Variants in ERICH3 observed in about 807,000 individuals in gnomAD.
The protein encoded by ERICH3 is glutamate-rich protein 3.
ERICH3 carries 126 observed loss-of-function variants against 131.1 expected under a neutral mutation model. The ratio of observed to expected loss-of-function variants is 0.96; its 90% CI spans 0.83 to 1.11. ERICH3 has a LOEUF of 1.11. ERICH3 is among the 50% of genes most tolerant of loss of function. ERICH3 has a pLI of 0.00. For missense variants in ERICH3, 2,050 were observed against 1,810.7 expected (o/e 1.13, Z -2.40); for synonymous variants, 695 against 644.6 (o/e 1.08, Z -1.18).
intron 13 of ERICH3, among the ~76,000 whole-genome samples, chr1:74,574,267 G>C (rs1196862696): frequency 6.6e-6 from 1 of 151,974 alleles, no homozygotes; most frequent in African/African-American, 2.4e-5. Flanking sequence ...TTACAGGTGT[G>C]GGCCACTGCA....
intron 5 of ERICH3, among the ~76,000 whole-genome samples, chr1:74,639,082 A>G (rs1038674091): frequency 1.3e-5 from 2 of 152,212 alleles, no homozygotes. Flanking sequence ...AAATAAGCCT[A>G]TATGGTCCAA....
At chr1:74,642,085 T>G (rs780402090) in intron 4 of ERICH3, among the ~76,000 whole-genome samples, 1 of 152,070 alleles carries the variant, frequency 6.6e-6, no homozygotes, top group Admixed American at 6.6e-5. Flanking sequence ...GCAGATAAAT[T>G]ACAGAATCTA....
chr1:74,596,156 T>C (rs1043930535), intron 11 of ERICH3, among the ~76,000 whole-genome samples: 5 of 152,068 alleles, frequency 3.3e-5, no homozygotes, highest in Non-Finnish European at 4.4e-5. Context: ...CTTCAACAGA[T>C]TGAAAAATAG....
At chr1:74,605,899 T>G (rs185531777) in intron 10 of ERICH3, among the ~76,000 whole-genome samples, 2 of 151,838 alleles carry the variant, frequency 1.3e-5, no homozygotes, top group African/African-American at 4.8e-5. Flanking sequence ...AAACTTTTAA[T>G]TTATAAAAAG....
At chr1:74,626,845 T>C (rs537718690) in intron 7 of ERICH3, among the ~76,000 whole-genome samples, 2 of 152,300 alleles carry the variant, frequency 1.3e-5, no homozygotes, top group African/African-American at 4.8e-5. Flanking sequence ...GCCATTTGGC[T>C]CTACTGATCA....
chr1:74,643,125 G>T, intron 3 of ERICH3, 27 bp from the exon 4 acceptor site: 3 of 1,563,884 alleles, frequency 1.9e-6, no homozygotes, highest in South Asian at 1.1e-5. Flanking sequence ...GAATAAAGGA[G>T]AGAATCATAT....
intron 1 of ERICH3, among the ~76,000 whole-genome samples, chr1:74,657,692 C>G (rs1646598460): frequency 2.0e-5 from 3 of 152,132 alleles, no homozygotes; most frequent in African/African-American, 4.8e-5. Context: ...ACTGTGCTGA[C>G]TGCTGGCAAG....
At chr1:74,604,654 C>T (rs773008742) in intron 10 of ERICH3, among the ~76,000 whole-genome samples, 18 of 151,854 alleles carry the variant, frequency 1.2e-4, no homozygotes, top group Non-Finnish European at 2.4e-4. Flanking sequence ...CTTGAGTGAC[C>T]AGGTACATTG....
intron 13 of ERICH3, among the ~76,000 whole-genome samples, chr1:74,574,606 C>T (rs563421370): frequency 5.9e-5 from 9 of 152,224 alleles, no homozygotes; most frequent in Non-Finnish European, 1.0e-4. Context: ...CTTTGCAGAC[C>T]GGGACAGTTT....
chr1:74,590,516 C>T (rs889818163), intron 11 of ERICH3, among the ~76,000 whole-genome samples: 3 of 152,204 alleles, frequency 2.0e-5, no homozygotes, highest in African/African-American at 7.2e-5. Flanking sequence ...ATAAGGAGCT[C>T]ACAACCTAGA....
At position 74,572,664 on chromosome 1, in the gene ERICH3, CT is replaced by C; in HGVS notation, c.3045del (p.Gly1016GlufsTer20). ...RMQVSEGSPE[E>X]GSLAKEAFLC... ...AGGAAGGCTTCCTTTGCAAGGCTTC[CT>C]TCCTCAGGGCTGCCCTCCGAAACCT... is the stretch of plus-strand genomic sequence containing the variant. On this transcript the variant is annotated frameshift_variant, in exon 14 of 15. Transcript: ENST00000326665. LOFTEE classifies it high-confidence loss of function. 1 of 1,614,032 alleles carries C rather than the reference CT, an allele frequency of 6.2e-7. No homozygotes were observed. The highest frequency in any genetic ancestry group is 8.5e-7 in the Non-Finnish European group (1 of 1,180,002).
At chr1:74,591,136 A>ATG (rs773448923) in intron 11 of ERICH3, among the ~76,000 whole-genome samples, 1 of 152,162 alleles carries the variant, frequency 6.6e-6, no homozygotes, top group African/African-American at 2.4e-5. Context: ...TGACACTTGC[A>ATG]TGTGTGTGTG....
At chr1:74,670,750 G>T (rs1399486282) in intron 1 of ERICH3, among the ~76,000 whole-genome samples, 1 of 152,190 alleles carries the variant, frequency 6.6e-6, no homozygotes, top group East Asian at 1.9e-4. Flanking sequence ...AACAAGGGAA[G>T]ACAACCATAA....
chr1:74,638,909 T>G (rs567930254), intron 5 of ERICH3, among the ~76,000 whole-genome samples: 1 of 152,176 alleles, frequency 6.6e-6, no homozygotes, highest in Non-Finnish European at 1.5e-5. Flanking sequence ...AGAGTTAAGA[T>G]AGCATGCCAG....
chr1:74,651,298 G>A (rs1315858637), intron 1 of ERICH3, among the ~76,000 whole-genome samples: 3 of 152,056 alleles, frequency 2.0e-5, no homozygotes, highest in Non-Finnish European at 2.9e-5. Context: ...AAAAGAGACT[G>A]AAAAGCAGTT....
intron 8 of ERICH3, among the ~76,000 whole-genome samples, chr1:74,620,060 C>G (rs1194810720): frequency 6.6e-6 from 1 of 152,162 alleles, no homozygotes; most frequent in African/African-American, 2.4e-5. Flanking sequence ...AATGCTATTA[C>G]TTTTTGGACC....
chr1:74,640,353 T>C lies in ERICH3; in HGVS notation c.444+978A>G, dbSNP rs115515241. On this transcript the variant is annotated intron_variant, in intron 5 of 14. Transcript: ENST00000326665. ...TAGGGTGACAACAAAGGAAAGATGG[T>C]TGCTTTTCATCATTTGAGCTGTTCA... Among the ~76,000 whole-genome samples the C allele has an allele frequency of 3.8e-3, 577 of 152,286 alleles. 2 individuals carry two copies. The highest frequency in any genetic ancestry group is 0.013 in the African/African-American group (544 of 41,582).
At position 74,572,326 on chromosome 1, in the gene ERICH3, G is replaced by C. The variant is rs769950814; in HGVS notation, c.3384C>G (p.Asn1128Lys). The C allele has an allele frequency of 6.2e-7, 1 of 1,613,742 alleles. No individual in the cohort carries two copies. Among genetic ancestry groups the C allele is most frequent in the Non-Finnish European group, 8.5e-7 (1 of 1,179,976 alleles). Residue 1128 changes from asparagine (N) to lysine (K), a missense_variant, in exon 14 of 15, where the codon AAC becomes AAG. By Grantham distance (94) the Asn-to-Lys change is moderately conservative (BLOSUM62 0). Transcript: ENST00000326665. ...PPNEMGSDAENEAPVEASELS... is the reference protein window; with the variant it reads ...PPNEMGSDAEKEAPVEASELS... ...ACTCAGAAGCCTCCACAGGTGCTTC[G>C]TTCTCAGCATCAGATCCCATTTCAT... is the stretch of plus-strand genomic sequence containing the variant.
chr1:74,670,267 G>A (rs1440797070), intron 1 of ERICH3, among the ~76,000 whole-genome samples: 1 of 151,768 alleles, frequency 6.6e-6, no homozygotes, highest in African/African-American at 2.4e-5. Flanking sequence ...TCAGATGTTG[G>A]TCTGATCCAA....
Sources: allele counts gnomAD v4.1 joint callset (sites outside exome capture counted in the v4.1 genomes callset), GRCh38; gene constraint gnomAD v4.1.1; transcripts MANE v1.5; gene names NCBI Gene and HGNC (gene_info 2026-07-23, HGNC 2026-07-21).